Variants in FIGN observed in about 807,000 individuals in gnomAD.
FIGN encodes the protein fidgetin, microtubule severing factor.
Under a neutral mutation model 51.3 loss-of-function variants are expected in FIGN, and 11 were observed. The observed-to-expected ratio is 0.21, with a 90% CI of 0.13 to 0.35. The LOEUF is 0.35. Ranked by LOEUF, FIGN falls within the 10% of genes least tolerant of loss-of-function variation. The pLI, the probability that FIGN is intolerant of heterozygous loss-of-function variation, is 1.00. For synonymous variants in FIGN, 407 were observed against 363.2 expected (o/e 1.12, Z -1.37); for missense variants, 857 against 943.6 (o/e 0.91, Z 1.20).
chr2:163,673,142 A>G (rs886962043), intron 2 of FIGN, among the ~76,000 whole-genome samples: 8 of 152,080 alleles, frequency 5.3e-5, no homozygotes, highest in Non-Finnish European at 1.2e-4. Context: ...TGCCAGTAGG[A>G]AGCTTTTAAA....
At chr2:163,701,659 G>A (rs1382931312) in intron 2 of FIGN, among the ~76,000 whole-genome samples, 1 of 152,212 alleles carries the variant, frequency 6.6e-6, no homozygotes, top group Non-Finnish European at 1.5e-5. Flanking sequence ...AAGGCATCCA[G>A]ACGAAGAATA....
In FIGN at chr2:163,679,259, C is replaced by T. The variant is rs143540739; in HGVS notation, c.25+55644G>A. The stretch of plus-strand genomic sequence containing the variant: ...CTGTAATCCCAGCACTTTGGGAGGC[C>T]GAGGCGGGCAGATCACGAGGTCAGG... On this transcript the variant is annotated intron_variant, in intron 2 of 2. Coordinates refer to ENST00000333129, the MANE Select transcript of FIGN (RefSeq NM_018086.4). 3.5e-3 allele frequency among the ~76,000 whole-genome samples: 530 copies of T among 151,738 alleles called. 3 individuals are homozygous for T. The highest frequency in any genetic ancestry group is 0.012 in the African/African-American group (507 of 41,358).
At chr2:163,649,772 A>C (rs1200305648) in intron 2 of FIGN, among the ~76,000 whole-genome samples, 1 of 152,208 alleles carries the variant, frequency 6.6e-6, no homozygotes, top group African/African-American at 2.4e-5. Flanking sequence ...GCCAAGGGTA[A>C]AATGGCACGA....
chr2:163,644,429 T>G (rs1243481237), intron 2 of FIGN, among the ~76,000 whole-genome samples: 1 of 152,146 alleles, frequency 6.6e-6, no homozygotes, highest in East Asian at 1.9e-4. Context: ...AGTCAGATAA[T>G]GACAATTGTT....
At chr2:163,666,794 T>C (rs1683780850) in intron 2 of FIGN, among the ~76,000 whole-genome samples, 1 of 151,934 alleles carries the variant, frequency 6.6e-6, no homozygotes, top group South Asian at 2.1e-4. Flanking sequence ...ATCACACAGC[T>C]AGTGGCAAAA....
At chr2:163,615,406 C>A (rs769288697) in intron 2 of FIGN, among the ~76,000 whole-genome samples, 32 of 152,048 alleles carry the variant, frequency 2.1e-4, no homozygotes, top group Non-Finnish European at 3.4e-4. Flanking sequence ...AAGTACAGAG[C>A]CTTTTGGTTG....
chr2:163,611,817 T>G lies in FIGN; in HGVS notation c.26-11A>C. ...ACTGCATCTTCAAGCCTAAGAATTT[T>G]GGGGGGAAAAGAGTTAATTTACTTA... On this transcript the variant is annotated splice_polypyrimidine_tract_variant and intron_variant, in intron 2 of 2. Transcript: ENST00000333129. 1 of 1,585,922 alleles carries G rather than the reference T, an allele frequency of 6.3e-7. No individual in the cohort carries two copies. Among genetic ancestry groups the G allele is most frequent in the Non-Finnish European group, 8.6e-7 (1 of 1,159,876 alleles).
rs1466626375 is a variant in FIGN, at chr2:163,603,783, G to T, written c.*5769C>A. ...AGTCCATTCATCGATTGGGTGGGTG[G>T]TGAACCCCTTTCAGCATTTTTTAAA... On this transcript the variant is annotated 3_prime_UTR_variant, in exon 3 of 3. Coordinates refer to ENST00000333129, the MANE Select transcript of FIGN (RefSeq NM_018086.4). 1 of 152,060 alleles carries T rather than the reference G, an allele frequency of 6.6e-6. No individual in the cohort carries two copies. The highest frequency in any genetic ancestry group is 1.5e-5 in the Non-Finnish European group (1 of 67,988). 9.4% of individuals were successfully genotyped at this position (152,060 alleles called of 1,614,324 possible).
chr2:163,651,105 C>G (rs138169690), intron 2 of FIGN, among the ~76,000 whole-genome samples: 15 of 152,128 alleles, frequency 9.9e-5, no homozygotes, highest in Non-Finnish European at 1.8e-4. Flanking sequence ...TAAAATTGTC[C>G]TTTCATTGCT....
chr2:163,705,417 T>A lies in FIGN; in HGVS notation c.25+29486A>T, dbSNP rs577743385. On this transcript the variant is annotated intron_variant, in intron 2 of 2. Coordinates refer to ENST00000333129, the MANE Select transcript of FIGN (RefSeq NM_018086.4). ...GAGCTGAAAGAGAATTTAGAAATCTTTGGATGGAAGTCATCCATTTTAAGA... is the reference window on the plus strand; with the variant it reads ...GAGCTGAAAGAGAATTTAGAAATCTATGGATGGAAGTCATCCATTTTAAGA... Among the ~76,000 whole-genome samples, 80 of 152,252 alleles carry A rather than the reference T, an allele frequency of 5.3e-4. 1 individual carries two copies. In the South Asian group the frequency reaches 0.016, roughly 31 times the overall value.
At chr2:163,719,244 G>A (rs1049185100) in intron 2 of FIGN, among the ~76,000 whole-genome samples, 1 of 152,158 alleles carries the variant, frequency 6.6e-6, no homozygotes, top group Non-Finnish European at 1.5e-5. Context: ...TGAATAAAAA[G>A]ATTTAGGATG....
intron 2 of FIGN, among the ~76,000 whole-genome samples, chr2:163,732,109 C>G (rs1010231804): frequency 5.3e-5 from 8 of 152,178 alleles, no homozygotes; most frequent in Admixed American, 3.9e-4. Context: ...TCAACTTGGT[C>G]ATTTTCCTAA....
At chr2:163,702,108 C>T (rs962687639) in intron 2 of FIGN, among the ~76,000 whole-genome samples, 5 of 152,078 alleles carry the variant, frequency 3.3e-5, no homozygotes, top group Non-Finnish European at 7.4e-5. Context: ...TTTCAAATAC[C>T]CATTCTCAGT....
intron 2 of FIGN, among the ~76,000 whole-genome samples, chr2:163,716,869 G>A (rs939549250): frequency 1.3e-5 from 2 of 152,120 alleles, no homozygotes; most frequent in African/African-American, 4.8e-5. Flanking sequence ...TCTTACACAT[G>A]CTGAAGAAAT....
intron 2 of FIGN, among the ~76,000 whole-genome samples, chr2:163,655,596 A>C (rs1039949818): frequency 1.9e-4 from 29 of 152,140 alleles, no homozygotes; most frequent in African/African-American, 7.0e-4. Context: ...ATAATTCATG[A>C]GTGATTAATC....
intron 2 of FIGN, among the ~76,000 whole-genome samples, chr2:163,683,332 T>C (rs907238187): frequency 2.6e-5 from 4 of 152,188 alleles, no homozygotes; most frequent in Admixed American, 6.5e-5. Flanking sequence ...TAAAACAGTA[T>C]AGGTTCTTAA....
chr2:163,692,199 T>C (rs1365559475), intron 2 of FIGN, among the ~76,000 whole-genome samples: 1 of 152,196 alleles, frequency 6.6e-6, no homozygotes, highest in Non-Finnish European at 1.5e-5. Flanking sequence ...TTGTCATTTA[T>C]TTGGATAAAA....
chr2:163,691,038 A>C (rs1467181871), intron 2 of FIGN, among the ~76,000 whole-genome samples: 3 of 152,182 alleles, frequency 2.0e-5, no homozygotes, highest in Non-Finnish European at 4.4e-5. Context: ...ATAGTCTTTC[A>C]GTCTTTTGCT....
At chr2:163,667,305 T>C (rs1227894186) in intron 2 of FIGN, among the ~76,000 whole-genome samples, 2 of 151,488 alleles carry the variant, frequency 1.3e-5, no homozygotes, top group African/African-American at 4.9e-5. Flanking sequence ...ACTGGTTTCC[T>C]TTCTTCTGAA....
Sources: gnomAD v4.1 joint callset for allele counts (sites outside exome capture counted in the v4.1 genomes callset) on GRCh38, gnomAD v4.1.1 for gene constraint, MANE v1.5 for transcripts, NCBI Gene and HGNC (gene_info 2026-07-23, HGNC 2026-07-21) for gene names.